GPR15LG: variants seen among roughly 807,000 people sequenced by gnomAD.
GPR15LG encodes the protein protein GPR15LG.
chr10:84,183,553 C>G, the GPR15LG span, among the ~76,000 whole-genome samples: 1 of 152,042 alleles, frequency 6.6e-6, no homozygotes, highest in African/African-American at 2.4e-5. Context: ...CATTTTTCTT[C>G]TTGTTGCTGT....
chr10:84,178,147 A>G, the GPR15LG span, among the ~76,000 whole-genome samples: 1 of 151,854 alleles, frequency 6.6e-6, no homozygotes, highest in South Asian at 2.1e-4. Context: ...ACACACCTAG[A>G]CACATATACA....
At chr10:84,181,151 G>T in the GPR15LG span, among the ~76,000 whole-genome samples, 8 of 80,034 alleles carry the variant, frequency 1.0e-4, no homozygotes, top group African/African-American at 4.7e-4. Context: ...GAGGGAGAGG[G>T]CTGGGCTCAG....
At chr10:84,177,868 C>T in the GPR15LG span, among the ~76,000 whole-genome samples, 2 of 152,212 alleles carry the variant, frequency 1.3e-5, no homozygotes, top group Non-Finnish European at 2.9e-5. Flanking sequence ...TCCCCCTCCA[C>T]TTCCCCTCTC....
the GPR15LG span, among the ~76,000 whole-genome samples, chr10:84,178,476 A>G: frequency 2.6e-5 from 4 of 151,796 alleles, no homozygotes; most frequent in African/African-American, 9.7e-5. Context: ...ACACAACACT[A>G]CACAACTATA....
the GPR15LG span, among the ~76,000 whole-genome samples, chr10:84,178,523 C>T: frequency 6.6e-6 from 1 of 151,914 alleles, no homozygotes; most frequent in Non-Finnish European, 1.5e-5. Context: ...CACACACAGA[C>T]ACACACCACA....
At chr10:84,184,243 TG>T in the GPR15LG span, among the ~76,000 whole-genome samples, 1 of 152,176 alleles carries the variant, frequency 6.6e-6, no homozygotes, top group Non-Finnish European at 1.5e-5. Context: ...TAAATGGGAC[TG>T]GTTTGTCAAA....
chr10:84,180,613 G>A, the GPR15LG span, among the ~76,000 whole-genome samples: 1,845 of 149,724 alleles, frequency 0.012, 93 homozygotes, highest in East Asian at 0.17. Flanking sequence ...CTGGGCAGCC[G>A]GGCAGAGGGG....
chr10:84,176,801 T>C, the GPR15LG span, among the ~76,000 whole-genome samples: 4 of 152,238 alleles, frequency 2.6e-5, no homozygotes, highest in African/African-American at 7.2e-5. Context: ...TAGAAGATGT[T>C]GTGTGGAAAC....
the GPR15LG span, among the ~76,000 whole-genome samples, chr10:84,181,504 C>T: frequency 6.6e-6 from 1 of 152,210 alleles, no homozygotes; most frequent in South Asian, 2.1e-4. Flanking sequence ...TAGCTCACTG[C>T]AGCCTCAAAC....
chr10:84,180,680 G>C, the GPR15LG span, among the ~76,000 whole-genome samples: 1 of 152,212 alleles, frequency 6.6e-6, no homozygotes, highest in Non-Finnish European at 1.5e-5. Context: ...CTTCCTAGAC[G>C]GGGTGGCGGC....
chr10:84,175,361 C>A, the GPR15LG span, among the ~76,000 whole-genome samples: 4 of 152,200 alleles, frequency 2.6e-5, no homozygotes, highest in Admixed American at 6.5e-5. Context: ...ATACCTTCCC[C>A]CATAAAGTTT....
the GPR15LG span, chr10:84,184,997 G>A: frequency 1.5e-6 from 2 of 1,371,396 alleles, no homozygotes; most frequent in East Asian, 6.0e-5. Context: ...CAGGGCCTCA[G>A]TCGCCACCAT....
chr10:84,179,331 T>C, the GPR15LG span, among the ~76,000 whole-genome samples: 4 of 152,322 alleles, frequency 2.6e-5, no homozygotes, highest in East Asian at 7.7e-4. Flanking sequence ...GCTGTTGCTA[T>C]GGAGACAGAC....
At chr10:84,181,512 A>G in the GPR15LG span, among the ~76,000 whole-genome samples, 1 of 152,150 alleles carries the variant, frequency 6.6e-6, no homozygotes, top group African/African-American at 2.4e-5. Context: ...TGCAGCCTCA[A>G]ACTCCTGGGC....
At chr10:84,174,056 C>G in the GPR15LG span, 7 of 708,618 alleles carry the variant, frequency 9.9e-6, no homozygotes, top group Admixed American at 4.4e-5. Flanking sequence ...AAGATGGGCT[C>G]TTTCTCCTGA....
the GPR15LG span, chr10:84,176,647 GC>G: frequency 1.0e-6 from 1 of 989,030 alleles, no homozygotes; most frequent in Non-Finnish European, 1.6e-6. Flanking sequence ...ACACTGATCA[GC>G]CCCCACCCAT....
chr10:84,174,447 C>T, the GPR15LG span, among the ~76,000 whole-genome samples: 6 of 151,294 alleles, frequency 4.0e-5, no homozygotes, highest in Non-Finnish European at 7.4e-5. Context: ...CATCTTTTTA[C>T]CTCTATAGAT....
chr10:84,176,454 C>T, the GPR15LG span: 9 of 1,550,718 alleles, frequency 5.8e-6, no homozygotes, highest in South Asian at 7.8e-5. Flanking sequence ...TAAAGACAGT[C>T]TCTCTTCCTT....
At chr10:84,181,257 TAAGTAGAGGCAGGG>T in the GPR15LG span, among the ~76,000 whole-genome samples, 1 of 146,972 alleles carries the variant, frequency 6.8e-6, no homozygotes, top group Non-Finnish European at 1.5e-5. Context: ...TTTTTTTTTT[TAAGTAGAGGCAGGG>T]TTTCACCATG....
Sources: allele counts gnomAD v4.1 joint callset (sites outside exome capture counted in the v4.1 genomes callset), GRCh38; gene constraint gnomAD v4.1.1; transcripts MANE v1.5; gene names NCBI Gene and HGNC (gene_info 2026-07-23, HGNC 2026-07-21).